RGS6: variants seen among roughly 807,000 people sequenced by gnomAD.
RGS6 encodes the protein regulator of G-protein signaling 6.
Under a neutral mutation model 78.5 loss-of-function variants are expected in RGS6, and 30 were observed. The observed-to-expected ratio is 0.38, with a 90% CI of 0.29 to 0.52. RGS6 has a LOEUF of 0.52. Among genes scored for constraint, RGS6 ranks in the 20% least tolerant of loss-of-function variants. The pLI is 0.85. For synonymous variants in RGS6, 206 were observed against 206.0 expected, an observed-to-expected ratio of 1.00 and a Z score of 0.00; for missense variants, 495 against 609.7, an observed-to-expected ratio of 0.81 and a Z score of 1.98.
At chr14:71,920,900 A>C in the RGS6 span, among the ~76,000 whole-genome samples, 1 of 152,230 alleles carries the variant, frequency 6.6e-6, no homozygotes, top group African/African-American at 2.4e-5. Context: ...CAAAGGAAAC[A>C]ATTAACAGAG....
At chr14:72,522,189 C>A (rs1484282071) in intron 15 of RGS6, among the ~76,000 whole-genome samples, 1 of 152,142 alleles carries the variant, frequency 6.6e-6, no homozygotes, top group Non-Finnish European at 1.5e-5. Flanking sequence ...GGGCTCACTT[C>A]CTGGCTTGCA....
At chr14:72,526,838 G>C (rs2097126618) in intron 15 of RGS6, among the ~76,000 whole-genome samples, 1 of 152,228 alleles carries the variant, frequency 6.6e-6, no homozygotes, top group African/African-American at 2.4e-5. Context: ...AGCAGATACT[G>C]ATTTGTGATC....
At position 72,148,505 on chromosome 14, in the gene RGS6, C is replaced by A. The variant is rs145844694; in HGVS notation, c.84+183630C>A. ...GTGGTTTGCAAAGATTGCTTTAGTGCCTTTGGAGAGGAGTGGTAGTAAGAT... is the reference window on the plus strand; with the variant it reads ...GTGGTTTGCAAAGATTGCTTTAGTGACTTTGGAGAGGAGTGGTAGTAAGAT... On this transcript the variant is annotated intron_variant, in intron 2 of 17. Coordinates refer to ENST00000553525, the MANE Select transcript of RGS6 (RefSeq NM_001204424.2). Among the ~76,000 whole-genome samples the A allele has an allele frequency of 9.0e-4, 137 of 152,186 alleles. 1 individual carries two copies. The highest frequency in any genetic ancestry group is 3.1e-3 in the African/African-American group (130 of 41,524).
At chr14:72,582,873 T>C in the RGS6 span, among the ~76,000 whole-genome samples, 1 of 151,860 alleles carries the variant, frequency 6.6e-6, no homozygotes, top group African/African-American at 2.4e-5. Context: ...AGAAAGCTGA[T>C]TAATCATTAT....
the RGS6 span, among the ~76,000 whole-genome samples, chr14:71,911,765 G>T: frequency 6.6e-6 from 1 of 152,196 alleles, no homozygotes; most frequent in Non-Finnish European, 1.5e-5. Context: ...CCTGCTGGCT[G>T]GCCATCCCAC....
chr14:72,223,922 C>A (rs995386676), intron 2 of RGS6, among the ~76,000 whole-genome samples: 1 of 152,370 alleles, frequency 6.6e-6, no homozygotes, highest in East Asian at 1.9e-4. Flanking sequence ...CAGATTACGC[C>A]TAGGCGTGCT....
At chr14:72,628,690 A>G in the RGS6 span, among the ~76,000 whole-genome samples, 1 of 151,616 alleles carries the variant, frequency 6.6e-6, no homozygotes, top group Non-Finnish European at 1.5e-5. Context: ...AGAGAGAGAG[A>G]TAAAGACAGA....
chr14:71,957,362 T>C (rs1228863766), intron 1 of RGS6, among the ~76,000 whole-genome samples: 1 of 152,046 alleles, frequency 6.6e-6, no homozygotes, highest in African/African-American at 2.4e-5. Context: ...GGGAAATCAT[T>C]TGAAGGAGCG....
At chr14:72,623,388 G>C in the RGS6 span, among the ~76,000 whole-genome samples, 2 of 152,158 alleles carry the variant, frequency 1.3e-5, no homozygotes, top group Admixed American at 6.5e-5. Flanking sequence ...ACCACACAGA[G>C]AGAAACTATT....
At chr14:72,489,130 G>A (rs543199443) in intron 12 of RGS6, among the ~76,000 whole-genome samples, 15 of 150,384 alleles carry the variant, frequency 1.0e-4, no homozygotes, top group African/African-American at 3.7e-4. Context: ...AATGGCCAGG[G>A]CAGATGTCCT....
the RGS6 span, among the ~76,000 whole-genome samples, chr14:72,586,513 A>G: frequency 6.6e-6 from 1 of 152,140 alleles, no homozygotes; most frequent in Non-Finnish European, 1.5e-5. Context: ...AGGCCAAATA[A>G]ACCTCTTTTC....
intron 2 of RGS6, among the ~76,000 whole-genome samples, chr14:72,111,227 T>G (rs1286466229): frequency 6.6e-6 from 1 of 152,222 alleles, no homozygotes; most frequent in Non-Finnish European, 1.5e-5. Context: ...AAATCGATTC[T>G]TTTTAGCTAA....
At chr14:72,316,075 G>A (rs749707157) in intron 2 of RGS6, among the ~76,000 whole-genome samples, 9 of 152,294 alleles carry the variant, frequency 5.9e-5, no homozygotes, top group Non-Finnish European at 1.2e-4. Context: ...GCCCTTTACC[G>A]TTTGTTGTTC....
chr14:72,210,175 C>T (rs548188114), intron 2 of RGS6, among the ~76,000 whole-genome samples: 146 of 152,206 alleles, frequency 9.6e-4, no homozygotes, highest in African/African-American at 3.0e-3. Context: ...TTGGTTGGCC[C>T]GTGTGGGTTG....
In RGS6 at chr14:72,338,158, G is replaced by A. The variant is rs117750464; in HGVS notation, c.85-13937G>A. Reference sequence around the variant, plus strand: ...CCATGTAATGGAACTTGGGCCATAAGGTGGATAAAGATAAGGCTGCTCTGA... The same window carrying A: ...CCATGTAATGGAACTTGGGCCATAAAGTGGATAAAGATAAGGCTGCTCTGA... On this transcript the variant is annotated intron_variant, in intron 2 of 17. Transcript: ENST00000553525. Among the ~76,000 whole-genome samples the A allele has an allele frequency of 2.7e-3, 409 of 152,294 alleles. 1 individual carries two copies. Among genetic ancestry groups the A allele is most frequent in the Middle Eastern group, 0.01 (3 of 294 alleles).
chr14:72,080,051 CAG>C (rs2094751649), intron 2 of RGS6, among the ~76,000 whole-genome samples: 1 of 152,134 alleles, frequency 6.6e-6, no homozygotes, highest in African/African-American at 2.4e-5. Flanking sequence ...GGTATATACT[CAG>C]GGATTGGATT....
intron 13 of RGS6, among the ~76,000 whole-genome samples, chr14:72,504,978 A>G (rs911931451): frequency 4.4e-5 from 5 of 113,616 alleles, no homozygotes; most frequent in African/African-American, 1.8e-4. Context: ...GAGTTTTGCC[A>G]TGTTGTCCAG....
At chr14:71,906,315 T>C in the RGS6 span, among the ~76,000 whole-genome samples, 25 of 152,204 alleles carry the variant, frequency 1.6e-4, no homozygotes, top group African/African-American at 6.0e-4. Context: ...GGGTGCTGTC[T>C]GCACAGTTGG....
At chr14:71,978,917 A>G (rs1239000520) in intron 2 of RGS6, among the ~76,000 whole-genome samples, 1 of 143,986 alleles carries the variant, frequency 6.9e-6, no homozygotes, top group Non-Finnish European at 1.5e-5. Flanking sequence ...TTGGTAAGCT[A>G]TTGATTATTG....
Sources: allele counts gnomAD v4.1 joint callset (sites outside exome capture counted in the v4.1 genomes callset), GRCh38; gene constraint gnomAD v4.1.1; transcripts MANE v1.5; gene names NCBI Gene and HGNC (gene_info 2026-07-23, HGNC 2026-07-21).